CCNY: variants seen among roughly 807,000 people sequenced by gnomAD.
CCNY encodes cyclin Y.
In CCNY, 19 loss-of-function variants were observed where a neutral mutation model predicts 42.8. The observed-to-expected ratio is 0.44, with a 90% CI of 0.31 to 0.65. CCNY has a LOEUF of 0.65. Among genes scored for constraint, CCNY ranks in the 30% least tolerant of loss-of-function variants. The pLI is 0.07. For synonymous variants in CCNY, 165 were observed against 162.7 expected, an observed-to-expected ratio of 1.01 and a Z score of -0.11; for missense variants, 370 against 437.3, an observed-to-expected ratio of 0.85 and a Z score of 1.37.
intron 1 of CCNY, among the ~76,000 whole-genome samples, chr10:35,457,179 G>A (rs1242326524): frequency 6.6e-6 from 1 of 152,132 alleles, no homozygotes; most frequent in East Asian, 1.9e-4. Context: ...TTCTTCATGT[G>A]CTTTCTCCTT....
At chr10:35,302,298 T>G (rs867607692) in intron 3 of CCNY, among the ~76,000 whole-genome samples, 72 of 150,440 alleles carry the variant, frequency 4.8e-4, no homozygotes, top group Middle Eastern at 3.5e-3. Flanking sequence ...AGGTTAATAC[T>G]TTGACATCTT....
chr10:35,437,632 A>T (rs1838567387), intron 1 of CCNY, among the ~76,000 whole-genome samples: 1 of 151,946 alleles, frequency 6.6e-6, no homozygotes, highest in Non-Finnish European at 1.5e-5. Context: ...CCAGCACTCT[A>T]GCCTGGGCGA....
chr10:35,365,020 G>A (rs1288874329), intron 1 of CCNY, among the ~76,000 whole-genome samples: 2 of 152,146 alleles, frequency 1.3e-5, no homozygotes, highest in African/African-American at 2.4e-5. Context: ...GTATTTCCTC[G>A]TGTTGGAATT....
chr10:35,333,824 T>C (rs1004410113), upstream of CCNY, among the ~76,000 whole-genome samples: 1 of 152,044 alleles, frequency 6.6e-6, no homozygotes, highest in African/African-American at 2.4e-5. Context: ...AGTGTCACTG[T>C]GTGTCAGGCA....
intron 5 of CCNY, among the ~76,000 whole-genome samples, chr10:35,528,905 A>G (rs950150132): frequency 2.6e-5 from 4 of 152,244 alleles, no homozygotes; most frequent in African/African-American, 9.6e-5. Context: ...CTGAAGCCTG[A>G]CACTGAAGCA....
At chr10:35,469,929 T>G (rs1302140409) in intron 1 of CCNY, among the ~76,000 whole-genome samples, 1 of 104,236 alleles carries the variant, frequency 9.6e-6, no homozygotes, top group African/African-American at 3.7e-5. Flanking sequence ...GACAGGGAGA[T>G]AGGGCAATGG....
At chr10:35,315,172 A>T (rs1241792948) in intron 3 of CCNY, 1 of 152,216 alleles carries the variant, frequency 6.6e-6, no homozygotes, top group Non-Finnish European at 1.5e-5. Context: ...AACTTCTGTC[A>T]TGAGGGTTGG....
chr10:35,274,053 T>A (rs1835206596), intron 3 of CCNY, among the ~76,000 whole-genome samples: 2 of 152,184 alleles, frequency 1.3e-5, no homozygotes, highest in Non-Finnish European at 2.9e-5. Flanking sequence ...AGGCTGCTTA[T>A]AATAAAGACA....
At chr10:35,403,418 G>A (rs543370442) in intron 1 of CCNY, among the ~76,000 whole-genome samples, 3 of 152,130 alleles carry the variant, frequency 2.0e-5, no homozygotes, top group Non-Finnish European at 2.9e-5. Flanking sequence ...GGAAGTGATC[G>A]ATGAGAAGGA....
intron 3 of CCNY, among the ~76,000 whole-genome samples, chr10:35,282,720 C>CAAA (rs71033390): frequency 2.3e-5 from 2 of 88,260 alleles, no homozygotes; most frequent in Non-Finnish European, 4.7e-5. Flanking sequence ...GAGACTGTCT[C>CAAA]AAAAAAAAAA....
intron 3 of CCNY, among the ~76,000 whole-genome samples, chr10:35,265,128 G>A (rs1032847595): frequency 6.6e-6 from 1 of 152,156 alleles, no homozygotes; most frequent in African/African-American, 2.4e-5. Flanking sequence ...AGGGATGATA[G>A]CAAGAGAATC....
chr10:35,557,979 TGAG>T (rs2135456422), intron 8 of CCNY, among the ~76,000 whole-genome samples: 1 of 152,194 alleles, frequency 6.6e-6, no homozygotes, highest in East Asian at 1.9e-4. Flanking sequence ...GGTGAAATTT[TGAG>T]GAGTTTTATT....
At chr10:35,261,571 G>T (rs1223257764) in intron 3 of CCNY, among the ~76,000 whole-genome samples, 1 of 152,186 alleles carries the variant, frequency 6.6e-6, no homozygotes, top group East Asian at 1.9e-4. Context: ...CAGGCTTGGT[G>T]GCTCATGCCT....
intron 1 of CCNY, among the ~76,000 whole-genome samples, chr10:35,450,911 G>A (rs1386650308): frequency 3.9e-5 from 6 of 152,004 alleles, no homozygotes; most frequent in Admixed American, 3.9e-4. Context: ...CTCTGGGACT[G>A]TTTAAAAGAA....
At chr10:35,501,786 T>C in intron 3 of CCNY, 2 of 400,614 alleles carry the variant, frequency 5.0e-6, no homozygotes, top group Non-Finnish European at 4.5e-6. Context: ...CAATAACATA[T>C]CAAACATCAC....
At chr10:35,469,739 G>A (rs567135301) in intron 1 of CCNY, among the ~76,000 whole-genome samples, 1 of 151,832 alleles carries the variant, frequency 6.6e-6, no homozygotes, top group East Asian at 1.9e-4. Flanking sequence ...TGGAGAGACA[G>A]GGAAATGGGG....
chr10:35,430,183 A>G (rs1325339658), intron 1 of CCNY, among the ~76,000 whole-genome samples: 1 of 151,092 alleles, frequency 6.6e-6, no homozygotes, highest in African/African-American at 2.4e-5. Context: ...TAAAAATACA[A>G]AAAATTAGCC....
chr10:35,301,529 C>T (rs552134769), intron 3 of CCNY, among the ~76,000 whole-genome samples: 16 of 152,254 alleles, frequency 1.1e-4, no homozygotes, highest in Admixed American at 3.9e-4. Context: ...CTTTTATGCA[C>T]GGTATTTCTC....
At chr10:35,287,208 G>A (rs992279969) in intron 3 of CCNY, among the ~76,000 whole-genome samples, 10 of 152,214 alleles carry the variant, frequency 6.6e-5, no homozygotes, top group East Asian at 3.9e-4. Flanking sequence ...AAATAGAGGC[G>A]TTGTATGTTT....
Sources: gnomAD v4.1 joint callset for allele counts (sites outside exome capture counted in the v4.1 genomes callset) on GRCh38, gnomAD v4.1.1 for gene constraint, MANE v1.5 for transcripts, NCBI Gene and HGNC (gene_info 2026-07-23, HGNC 2026-07-21) for gene names.